Variants in PLA2G2F observed in about 807,000 individuals in gnomAD.
PLA2G2F encodes the protein group IIF secretory phospholipase A2.
PLA2G2F carries 17 observed loss-of-function variants against 15.9 expected under a neutral mutation model. The ratio of observed to expected loss-of-function variants is 1.07; its 90% confidence interval spans 0.73 to 1.60. The LOEUF (loss-of-function observed/expected upper bound fraction) is 1.60, where lower values mean the gene tolerates loss of function less well. Among genes scored for constraint, PLA2G2F ranks in the 40% most tolerant of loss-of-function variants. The pLI is 0.00. For missense variants in PLA2G2F, 299 were observed against 278.2 expected (o/e 1.07, Z -0.53); for synonymous variants, 119 against 106.5 (o/e 1.12, Z -0.72).
At chr1:20,144,459 C>G in intron 3 of PLA2G2F, 121 bp from the exon 4 acceptor site, 1 of 728,034 alleles carries the variant, frequency 1.4e-6, no homozygotes, top group Non-Finnish European at 2.4e-6. Context: ...AACTGTCCCT[C>G]TCTGGGCTTC....
At chr1:20,140,457 C>G in intron 2 of PLA2G2F, 1 of 511,424 alleles carries the variant, frequency 2.0e-6, no homozygotes, top group South Asian at 2.6e-5. Flanking sequence ...GAGCAAGCAT[C>G]GTAAAATGCT....
intron 4 of PLA2G2F, among the ~76,000 whole-genome samples, chr1:20,145,568 C>T (rs1052147201): frequency 4.6e-5 from 7 of 152,030 alleles, no homozygotes; most frequent in African/African-American, 1.7e-4. Context: ...GTGTGAGCCA[C>T]TGCATCCAGC....
chr1:20,146,125 G>A (rs904913101), intron 4 of PLA2G2F, among the ~76,000 whole-genome samples: 13 of 152,300 alleles, frequency 8.5e-5, no homozygotes, highest in Middle Eastern at 6.8e-3. Context: ...GCTTTCAGCC[G>A]GCTCCCCAGA....
intron 4 of PLA2G2F, among the ~76,000 whole-genome samples, chr1:20,145,937 T>C (rs954853869): frequency 3.3e-5 from 5 of 152,156 alleles, no homozygotes; most frequent in Non-Finnish European, 7.3e-5. Flanking sequence ...GAATCCTGTG[T>C]TTTGATTTTG....
At position 20,139,494 on chromosome 1, in the gene PLA2G2F, G is replaced by A; in HGVS notation, c.67G>A (p.Gly23Arg). The change falls in exon 1 of 5, where the codon GGG becomes AGG. Residue 23 changes from glycine to arginine, a missense_variant. Physicochemically the swap from Gly to Arg is moderately radical, Grantham distance 125. Coordinates refer to ENST00000375102, the MANE Select transcript of PLA2G2F (RefSeq NM_022819.4). ...GAAGGTGCTGGATAGATGCTTCTCT[G>A]GGTGGAGGGGCCCACGCTTCGGGGC... ...KKKVLDRCFS[G>R]WRGPRFGASC... 6.3e-7 allele frequency: 1 copy of A among 1,581,036 alleles called. No homozygotes were observed. The highest frequency in any genetic ancestry group is 1.8e-5 in the Admixed American group (1 of 55,896).
chr1:20,143,359 T>C, intron 2 of PLA2G2F, 87 bp from the exon 3 acceptor site: 3 of 1,499,472 alleles, frequency 2.0e-6, no homozygotes, highest in Non-Finnish European at 2.7e-6. Context: ...ATTGGGAGGA[T>C]GGTCAGTCCA....
At chr1:20,143,376 C>T in intron 2 of PLA2G2F, 70 bp from the exon 3 acceptor site, 2 of 1,573,704 alleles carry the variant, frequency 1.3e-6, no homozygotes. Context: ...TCCAGACTCT[C>T]AGGATGAGAG....
intron 1 of PLA2G2F, 58 bp from the exon 2 acceptor site, chr1:20,140,108 C>T: frequency 1.3e-6 from 2 of 1,575,552 alleles, no homozygotes; most frequent in South Asian, 2.3e-5. Flanking sequence ...AGCAGCAGGT[C>T]CAACACTGCC....
rs181023843 is a variant in PLA2G2F at position 20,147,993 on chromosome 1, G to T, written c.425-197G>T. ...TAGAGAGCTTGTTACAACACAGACT[G>T]CCGGGCCCCAGCCCAGAGCTGCTGA... On this transcript the variant is annotated intron_variant, in intron 4 of 4. Coordinates refer to ENST00000375102, the MANE Select transcript of PLA2G2F (RefSeq NM_022819.4). Among the ~76,000 whole-genome samples the T allele has an allele frequency of 2.5e-3, 384 of 152,224 alleles. 1 individual carries two copies. The highest frequency in any genetic ancestry group is 3.6e-3 in the Non-Finnish European group (242 of 68,012).
chr1:20,141,403 G>A (rs2017465587), intron 2 of PLA2G2F: 2 of 151,848 alleles, frequency 1.3e-5, no homozygotes, highest in African/African-American at 4.8e-5. Flanking sequence ...TATCAGGTAT[G>A]TGGGGGTGAG....
intron 3 of PLA2G2F, 114 bp downstream of exon 3, chr1:20,143,704 A>C: frequency 2.3e-6 from 3 of 1,330,226 alleles, no homozygotes; most frequent in Non-Finnish European, 3.1e-6. Context: ...CAAAGGATCC[A>C]GCTTCTTTGA....
rs1218038561 is a variant in PLA2G2F at position 20,139,332 on chromosome 1, C to T, written c.-96C>T. On this transcript the variant is annotated 5_prime_UTR_variant, in exon 1 of 5. Coordinates refer to ENST00000375102, the MANE Select transcript of PLA2G2F (RefSeq NM_022819.4). Reference sequence around the variant, plus strand: ...CACCTGCCACTCCCCTGCCAGTGTGCGAGGCAGCGTGAAGCTGGGGCCTGC... The same window carrying T: ...CACCTGCCACTCCCCTGCCAGTGTGTGAGGCAGCGTGAAGCTGGGGCCTGC... 9.8e-6 allele frequency: 9 copies of T among 919,334 alleles called. No individual in the cohort carries two copies. The highest frequency in any genetic ancestry group is 2.7e-5 in the East Asian group (1 of 37,712). The allele number at this position is 919,334 out of a possible 1,614,324, so 56.9% of individuals were successfully genotyped here.
In PLA2G2F at chr1:20,143,299, C is replaced by A. The variant is rs558222909; in HGVS notation, c.170-147C>A. 6.7e-6 allele frequency: 7 copies of A among 1,042,302 alleles called. No individual in the cohort carries two copies. The South Asian group carries it at 1.2e-4, about 18-fold the overall frequency. The allele number at this position is 1,042,302 out of a possible 1,614,324, so 64.6% of individuals were successfully genotyped here. ...CTGGCTTAGCTGCCCACGCTTCTTG[C>A]CCCAGCTTCCTCTCCTGCTTTCTCC... On this transcript the variant is annotated intron_variant, in intron 2 of 4. Transcript: ENST00000375102.
intron 3 of PLA2G2F, among the ~76,000 whole-genome samples, chr1:20,144,343 T>C (rs1380570467): frequency 6.6e-6 from 1 of 152,156 alleles, no homozygotes; most frequent in Non-Finnish European, 1.5e-5. Flanking sequence ...GGAGAATGTG[T>C]CCTGGGAGGG....
At position 20,148,812 on chromosome 1, in the gene PLA2G2F, C is replaced by T. The variant is rs138246719; in HGVS notation, c.*411C>T. On this transcript the variant is annotated 3_prime_UTR_variant, in exon 5 of 5. Coordinates refer to ENST00000375102, the MANE Select transcript of PLA2G2F (RefSeq NM_022819.4). ...CCAGGCCCAGAGCTGGATGCATCCTCGGCCCAAGATCACAGGAAGGCAGAT... is the reference window on the plus strand; with the variant it reads ...CCAGGCCCAGAGCTGGATGCATCCTTGGCCCAAGATCACAGGAAGGCAGAT... 6.8e-3 allele frequency: 1,244 copies of T among 183,658 alleles called. 18 individuals are homozygous for T. The highest frequency in any genetic ancestry group is 0.027 in the African/African-American group (1,151 of 42,452). 11.4% of individuals were successfully genotyped at this position (183,658 alleles called of 1,614,324 possible). A position where few individuals can be genotyped will look rare whatever the true frequency, so the allele number is the denominator to read the frequency against.
At position 20,140,128 on chromosome 1, in the gene PLA2G2F, G is replaced by A. The variant is rs547024280; in HGVS notation, c.117-38G>A. ...CAGGTCCAACACTGCCAAGGGTGGA[G>A]GGGATGGACTCAAGCTCCGGGTTTC... On this transcript the variant is annotated intron_variant, in intron 1 of 4. Coordinates refer to ENST00000375102, the MANE Select transcript of PLA2G2F (RefSeq NM_022819.4). 4 of 1,607,846 alleles carry A rather than the reference G, an allele frequency of 2.5e-6. No individual in the cohort carries two copies. The African/African-American group carries it at 5.3e-5, about 21-fold the overall frequency.
rs768367725 is a variant in PLA2G2F, at chr1:20,140,240, C to T, written c.169+22C>T. 8.1e-6 allele frequency: 13 copies of T among 1,611,040 alleles called. No individual in the cohort carries two copies. The Admixed American group carries it at 2.2e-4, about 27-fold the overall frequency. On this transcript the variant is annotated intron_variant, in intron 2 of 4. Coordinates refer to ENST00000375102, the MANE Select transcript of PLA2G2F (RefSeq NM_022819.4). ...AGCGGTGAGTAAAGACTCCAGAGGGCTCCTCCTTCTCTCCCACTCCCAGCT... is the reference window on the plus strand; with the variant it reads ...AGCGGTGAGTAAAGACTCCAGAGGGTTCCTCCTTCTCTCCCACTCCCAGCT...
intron 2 of PLA2G2F, chr1:20,142,065 C>T (rs1418921994): frequency 6.6e-6 from 1 of 152,240 alleles, no homozygotes; most frequent in East Asian, 1.9e-4. Flanking sequence ...CAAGAGTGGC[C>T]TTTGGGATTC....
At chr1:20,145,176 C>T (rs971632108) in intron 4 of PLA2G2F, among the ~76,000 whole-genome samples, 2 of 151,970 alleles carry the variant, frequency 1.3e-5, no homozygotes, top group African/African-American at 4.8e-5. Flanking sequence ...TAAATATGTC[C>T]TAAATATTGC....
Sources: gnomAD v4.1 joint callset for allele counts (sites outside exome capture counted in the v4.1 genomes callset) on GRCh38, gnomAD v4.1.1 for gene constraint, MANE v1.5 for transcripts, NCBI Gene and HGNC (gene_info 2026-07-23, HGNC 2026-07-21) for gene names.